MYH16: variants seen among roughly 807,000 people sequenced by gnomAD.
MYH16 encodes the protein putative uncharacterized protein MYH16.
At chr7:99,243,843 A>G (rs1247178207) in intron 2 of MYH16, among the ~76,000 whole-genome samples, 1 of 151,930 alleles carries the variant, frequency 6.6e-6, no homozygotes, top group Non-Finnish European at 1.5e-5. Flanking sequence ...TCGTTCATCC[A>G]TCCATCCATC....
intron 36 of MYH16, among the ~76,000 whole-genome samples, chr7:99,299,156 A>T (rs1792550934): frequency 6.6e-6 from 1 of 152,100 alleles, no homozygotes; most frequent in Non-Finnish European, 1.5e-5. Flanking sequence ...TGAGATGGGA[A>T]GATCACTTGA....
At chr7:99,303,849 G>C (rs1303017469) in intron 39 of MYH16, among the ~76,000 whole-genome samples, 3 of 152,142 alleles carry the variant, frequency 2.0e-5, no homozygotes, top group Non-Finnish European at 4.4e-5. Flanking sequence ...AGCCTTGAGG[G>C]AAGGGCTAGT....
intron 20 of MYH16, among the ~76,000 whole-genome samples, 153 bp downstream of exon 2, chr7:99,273,576 C>T (rs936076272): frequency 2.0e-5 from 3 of 152,104 alleles, no homozygotes; most frequent in African/African-American, 7.2e-5. Flanking sequence ...AGCCTCTGTC[C>T]AGACAGGGAC....
chr7:99,294,661 A>C (rs10274806), intron 33 of MYH16, among the ~76,000 whole-genome samples: 1 of 151,106 alleles, frequency 6.6e-6, no homozygotes, highest in African/African-American at 2.4e-5. Context: ...CACCTCCTGG[A>C]TTCAAGCAAT....
chr7:99,297,408 G>A (rs58999322), intron 34 of MYH16, among the ~76,000 whole-genome samples: 6,549 of 152,004 alleles, frequency 0.043, 491 homozygotes, highest in East Asian at 0.31. Context: ...ACTCCAGCCT[G>A]GGCAACAGAG....
chr7:99,275,618 G>A (rs1792100718), intron 20 of MYH16, among the ~76,000 whole-genome samples: 1 of 152,158 alleles, frequency 6.6e-6, no homozygotes, highest in African/African-American at 2.4e-5. Flanking sequence ...TTAGACTCTG[G>A]GAAGACCCAG....
At chr7:99,279,571 A>T (rs1285455766) in exon 22 of MYH16, 1 of 456,630 alleles carries the variant, frequency 2.2e-6, no homozygotes, top group Non-Finnish European at 4.4e-6. Flanking sequence ...ACCAAGATGG[A>T]TCTAGAGAGC....
At chr7:99,267,661 G>A (rs186867739) in intron 18 of MYH16, among the ~76,000 whole-genome samples, 29 of 152,350 alleles carry the variant, frequency 1.9e-4, no homozygotes, top group African/African-American at 6.7e-4. Context: ...CAGCGGCTGA[G>A]ATGGGACTGA....
exon 19 of MYH16, chr7:99,270,960 TTC>T (rs1366680077): frequency 6.6e-6 from 1 of 152,622 alleles, no homozygotes; most frequent in Non-Finnish European, 1.5e-5. Context: ...TCCCCAGGTG[TTC>T]TTCCGTGCGG....
chr7:99,245,752 T>C (rs1791721572), intron 2 of MYH16, among the ~76,000 whole-genome samples: 1 of 152,142 alleles, frequency 6.6e-6, no homozygotes, highest in Admixed American at 6.5e-5. Flanking sequence ...GGTCTCGAAC[T>C]CCTGACCCTG....
intron 17 of MYH16, among the ~76,000 whole-genome samples, chr7:99,266,673 G>A (rs1791990397): frequency 1.3e-5 from 2 of 152,210 alleles, no homozygotes; most frequent in African/African-American, 4.8e-5. Context: ...CTCCCAAGCT[G>A]TAGCCCTTAT....
chr7:99,308,928 C>T (rs1792719230), downstream of MYH16, among the ~76,000 whole-genome samples: 1 of 152,076 alleles, frequency 6.6e-6, no homozygotes, highest in East Asian at 1.9e-4. Flanking sequence ...CCTATCTCTA[C>T]AAAAAAATGT....
At chr7:99,289,659 G>A (rs1792339804) in intron 30 of MYH16, among the ~76,000 whole-genome samples, 1 of 152,206 alleles carries the variant, frequency 6.6e-6, no homozygotes, top group Non-Finnish European at 1.5e-5. Flanking sequence ...CATTCATGCT[G>A]ACGAAATACA....
intron 18 of MYH16, among the ~76,000 whole-genome samples, chr7:99,268,723 T>G (rs1234070910): frequency 6.6e-6 from 1 of 152,210 alleles, no homozygotes; most frequent in African/African-American, 2.4e-5. Flanking sequence ...ACATGCTTGT[T>G]TCAAAGACTA....
chr7:99,250,676 A>C (rs1791799001), intron 5 of MYH16, among the ~76,000 whole-genome samples: 1 of 152,058 alleles, frequency 6.6e-6, no homozygotes, highest in Admixed American at 6.5e-5. Flanking sequence ...CAGGAGTTGG[A>C]GGCTGCAGTA....
At position 99,265,683 on chromosome 7, in the gene MYH16, C is replaced by T. The variant is rs866687951; in HGVS notation, n.2141C>T. ...CAGGCTGCAGTACCCGGAGTTCAAA[C>T]AGAGGTGAGTGATGTCTCCCTGGGT... On this transcript the variant is annotated non_coding_transcript_exon_variant, in exon 17 of 42. Coordinates refer to ENST00000439784, the Ensembl canonical transcript of MYH16. The T allele has an allele frequency of 2.0e-5, 3 of 153,760 alleles. 1 individual carries two copies. Among genetic ancestry groups the T allele is most frequent in the South Asian group, 3.7e-4 (2 of 5,444 alleles). 9.5% of individuals were successfully genotyped at this position (153,760 alleles called of 1,614,324 possible). A position where few individuals can be genotyped will look rare whatever the true frequency, so the allele number is the denominator to read the frequency against.
At chr7:99,277,780 C>T (rs986108630) in intron 21 of MYH16, 68 bp downstream of exon 3, 40 of 380,944 alleles carry the variant, frequency 1.1e-4, no homozygotes, top group Non-Finnish European at 1.9e-4. Context: ...GGAGGAAGGG[C>T]GAGCTCTTCC....
At chr7:99,292,885 A>G (rs1156399653) in intron 32 of MYH16, among the ~76,000 whole-genome samples, 2 of 151,864 alleles carry the variant, frequency 1.3e-5, no homozygotes, top group African/African-American at 4.8e-5. Flanking sequence ...GCTTGAGCCC[A>G]GGAATTGGAG....
chr7:99,294,516 A>AG (rs1435027832), intron 33 of MYH16, among the ~76,000 whole-genome samples: 1 of 134,438 alleles, frequency 7.4e-6, no homozygotes, highest in African/African-American at 3.3e-5. Context: ...AAAAAAAAAA[A>AG]AAAAAAAAGA....
Sources: allele counts gnomAD v4.1 joint callset (sites outside exome capture counted in the v4.1 genomes callset), GRCh38; gene constraint gnomAD v4.1.1; transcripts MANE v1.5; gene names NCBI Gene and HGNC (gene_info 2026-07-23, HGNC 2026-07-21).